PARD6G: variants seen among roughly 807,000 people sequenced by gnomAD.
PARD6G encodes the protein par-6 family cell polarity regulator gamma, also known as partitioning defective 6 homolog gamma.
PARD6G carries 7 observed loss-of-function variants against 10.7 expected under a neutral mutation model. The observed-to-expected ratio is 0.66, with a 90% confidence interval of 0.37 to 1.23. The LOEUF is 1.23. Ranked by LOEUF, PARD6G falls within the 50% of genes most tolerant of loss-of-function variation. PARD6G has a pLI of 0.02. For synonymous variants in PARD6G, 287 were observed against 269.4 expected, an observed-to-expected ratio of 1.07 and a Z score of -0.64; for missense variants, 548 against 571.8, an observed-to-expected ratio of 0.96 and a Z score of 0.42.
At chr18:80,242,253 CA>C (rs901264763) in intron 1 of PARD6G, among the ~76,000 whole-genome samples, 6 of 152,246 alleles carry the variant, frequency 3.9e-5, no homozygotes, top group Admixed American at 3.9e-4. Flanking sequence ...TGCACAAATA[CA>C]ACAAAACTAA....
chr18:80,229,301 AAC>A (rs1473034349), intron 1 of PARD6G, among the ~76,000 whole-genome samples: 1 of 152,200 alleles, frequency 6.6e-6, no homozygotes, highest in Non-Finnish European at 1.5e-5. Context: ...TAAATTTAAA[AAC>A]ACACACACAA....
intron 1 of PARD6G, among the ~76,000 whole-genome samples, chr18:80,220,730 C>A (rs1967219316): frequency 6.6e-6 from 1 of 151,896 alleles, no homozygotes; most frequent in Admixed American, 6.6e-5. Context: ...CATGCCTCAG[C>A]CTCCCAAGTA....
chr18:80,159,882 G>C lies in PARD6G; in HGVS notation c.1020C>G (p.Ala340=). ...GLAQRLQRDL[A]LDGGLQRLLS... ...GCAGCCGCTGGAGGCCGCCGTCCAGGGCCAGGTCCCGCTGCAGCCGCTGCG... is the reference window on the plus strand; with the variant it reads ...GCAGCCGCTGGAGGCCGCCGTCCAGCGCCAGGTCCCGCTGCAGCCGCTGCG... Residue 340 remains alanine, a synonymous_variant, in exon 3 of 3, where the codon GCC becomes GCG. Coordinates refer to ENST00000353265, the MANE Select transcript of PARD6G (RefSeq NM_032510.4). The C allele has an allele frequency of 1.3e-6, 2 of 1,515,156 alleles. No individual in the cohort carries two copies. The highest frequency in any genetic ancestry group is 1.8e-6 in the Non-Finnish European group (2 of 1,137,582). The allele number at this position is 1,515,156 out of a possible 1,614,324, so 93.9% of individuals were successfully genotyped here.
intron 2 of PARD6G, among the ~76,000 whole-genome samples, chr18:80,179,520 C>A (rs564612606): frequency 1.3e-5 from 2 of 152,234 alleles, no homozygotes; most frequent in Non-Finnish European, 2.9e-5. Context: ...TGCCTCCCCC[C>A]ACCCAGGAGG....
chr18:80,190,087 C>T (rs1401846053), intron 2 of PARD6G, among the ~76,000 whole-genome samples: 3 of 152,122 alleles, frequency 2.0e-5, no homozygotes, highest in East Asian at 1.9e-4. Context: ...AGGGTCTATT[C>T]GTACAACTTA....
At chr18:80,240,459 TAATATAAA>T (rs1967477462) in intron 1 of PARD6G, among the ~76,000 whole-genome samples, 1 of 152,182 alleles carries the variant, frequency 6.6e-6, no homozygotes, top group African/African-American at 2.4e-5. Flanking sequence ...ATTGTGTCCC[TAATATAAA>T]CAAGGCACTG....
rs537827831 is a variant in PARD6G, at chr18:80,182,948, C to A, written c.295+19762G>T. 6 of 615,274 alleles carry A rather than the reference C, an allele frequency of 9.8e-6. No individual in the cohort carries two copies. In the East Asian group the frequency reaches 1.6e-4, roughly 17 times the overall value. 38.1% of individuals were successfully genotyped at this position (615,274 alleles called of 1,614,324 possible). A position where few individuals can be genotyped will look rare whatever the true frequency, so the allele number is the denominator to read the frequency against. ...CCACAACACTGCAGGCCCCACACCA[C>A]GCAGCCAGACGCCCCTCCCAGTCCT... On this transcript the variant is annotated intron_variant, in intron 2 of 2. Coordinates refer to ENST00000353265, the MANE Select transcript of PARD6G (RefSeq NM_032510.4). The surrounding 1 kb of genome is among the most constrained non-coding windows in gnomAD (Gnocchi z 4.5).
intron 2 of PARD6G, among the ~76,000 whole-genome samples, chr18:80,174,799 A>C (rs1394489093): frequency 3.3e-5 from 5 of 152,032 alleles, no homozygotes; most frequent in African/African-American, 1.2e-4. Context: ...CTAAAAATAC[A>C]AAAAATTAGC....
chr18:80,219,352 G>A (rs967207866), intron 1 of PARD6G, among the ~76,000 whole-genome samples: 1 of 152,116 alleles, frequency 6.6e-6, no homozygotes, highest in Admixed American at 6.5e-5. Flanking sequence ...AGGATTACAG[G>A]TGCCTGCCAC....
rs12953470 is a variant in PARD6G at position 80,180,322 on chromosome 18, C to T, written c.296-19716G>A. Among the ~76,000 whole-genome samples the T allele has an allele frequency of 0.21, 31,484 of 152,128 alleles. 4,059 individuals carry two copies. Among genetic ancestry groups the T allele is most frequent in the African/African-American group, 0.35 (14,699 of 41,466 alleles). ...GGAGAGGCAGGCAGGGCGTGGGCAG[C>T]GACAGCTGGGGCCGGCAGGTGAGGA... On this transcript the variant is annotated intron_variant, in intron 2 of 2. Transcript: ENST00000353265. The surrounding 1 kb of genome is among the most constrained non-coding windows in gnomAD (Gnocchi z 5.6).
At chr18:80,219,232 T>C (rs1029018941) in intron 1 of PARD6G, among the ~76,000 whole-genome samples, 5 of 130,700 alleles carry the variant, frequency 3.8e-5, no homozygotes, top group Admixed American at 2.6e-4. Context: ...TTGTTTGAGA[T>C]GAAGTCTTGC....
At chr18:80,185,847 C>T (rs942315411) in intron 2 of PARD6G, among the ~76,000 whole-genome samples, 3 of 149,260 alleles carry the variant, frequency 2.0e-5, no homozygotes, top group Admixed American at 6.7e-5. Context: ...CGCATGCACC[C>T]ACACAGGCAC....
At chr18:80,219,875 C>T (rs1967210869) in intron 1 of PARD6G, among the ~76,000 whole-genome samples, 1 of 152,106 alleles carries the variant, frequency 6.6e-6, no homozygotes. Flanking sequence ...CAAACTTTCC[C>T]ACATTTCCCT....
At chr18:80,162,118 C>A (rs1299633945) in intron 2 of PARD6G, 1 of 152,212 alleles carries the variant, frequency 6.6e-6, no homozygotes, top group East Asian at 1.9e-4. Flanking sequence ...CGGGATGCCC[C>A]AGCATGAGGA....
intron 1 of PARD6G, among the ~76,000 whole-genome samples, chr18:80,227,876 C>G (rs1879102): frequency 0.83 from 116,986 of 141,466 alleles, 48,495 homozygotes; most frequent in Non-Finnish European, 0.86. Flanking sequence ...ATTCACGAGA[C>G]GTCAACCCCG....
In PARD6G at chr18:80,161,001, A is replaced by G. The variant is rs186723344; in HGVS notation, c.296-395T>C. ...CATTCTCCCATATTTCCTTCTCTCA[A>G]CTGTAAGACGGAGGCTCGTTTTTTT... On this transcript the variant is annotated intron_variant, in intron 2 of 2. Coordinates refer to ENST00000353265, the MANE Select transcript of PARD6G (RefSeq NM_032510.4). The surrounding 1 kb of genome is among the most constrained non-coding windows in gnomAD (Gnocchi z 4.6). Among the ~76,000 whole-genome samples the G allele has an allele frequency of 1.9e-4, 29 of 152,202 alleles. No homozygotes were observed. Among genetic ancestry groups the G allele is most frequent in the Admixed American group, 7.8e-4 (12 of 15,296 alleles).
intron 2 of PARD6G, among the ~76,000 whole-genome samples, chr18:80,186,887 G>A (rs1232042010): frequency 1.3e-5 from 2 of 152,084 alleles, no homozygotes; most frequent in African/African-American, 4.8e-5. Context: ...GGCCGAGGTC[G>A]GGAAATCAAG....
Position 80,201,080 on chromosome 18 carries a change from C to A in PARD6G, c.295+1630G>T, listed in dbSNP as rs545813859. The stretch of plus-strand genomic sequence containing the variant: ...GATGGCAGGGGCACAGCCAGGAACA[C>A]ACCCCCACCCTACGCTCCTGGTCGG... On this transcript the variant is annotated intron_variant, in intron 2 of 2. Coordinates refer to ENST00000353265, the MANE Select transcript of PARD6G (RefSeq NM_032510.4). This position sits in a 1 kb window ranked among gnomAD's most constrained non-coding sequence, Gnocchi z 5.9. Among the ~76,000 whole-genome samples the A allele has an allele frequency of 1.3e-5, 2 of 152,278 alleles. No homozygotes were observed. Among genetic ancestry groups the A allele is most frequent in the South Asian group, 4.1e-4 (2 of 4,826 alleles).
At position 80,158,141 on chromosome 18, in the gene PARD6G, G is replaced by T. The variant is rs966453507; in HGVS notation, c.*1630C>A. On this transcript the variant is annotated 3_prime_UTR_variant, in exon 3 of 3. Transcript: ENST00000353265. ...ACTAAATATATAAACGTTGCTGGAAGATCAACATAAAGTGAGGATGAATTT... is the reference window on the plus strand; with the variant it reads ...ACTAAATATATAAACGTTGCTGGAATATCAACATAAAGTGAGGATGAATTT... The T allele has an allele frequency of 6.6e-6, 1 of 152,172 alleles. No individual in the cohort carries two copies. Among genetic ancestry groups the T allele is most frequent in the African/African-American group, 2.4e-5 (1 of 41,426 alleles). 9.4% of individuals were successfully genotyped at this position (152,172 alleles called of 1,614,324 possible).
Sources: gnomAD v4.1 joint callset for allele counts (sites outside exome capture counted in the v4.1 genomes callset) on GRCh38, gnomAD v4.1.1 for gene constraint, Gnocchi (gnomAD v3.1) non-coding constraint, MANE v1.5 for transcripts, NCBI Gene and HGNC (gene_info 2026-07-23, HGNC 2026-07-21) for gene names.